PLXDC2: variants seen among roughly 807,000 people sequenced by gnomAD.
PLXDC2 encodes plexin domain-containing protein 2.
A neutral mutation model predicts 68.9 loss-of-function variants in PLXDC2; 40 were observed. That is an observed-to-expected ratio of 0.58 (90% CI 0.45 to 0.76). The LOEUF (loss-of-function observed/expected upper bound fraction) is 0.76. PLXDC2 is among the 30% of genes least tolerant of loss of function. The pLI, the probability that PLXDC2 is intolerant of heterozygous loss-of-function variation, is 0.00. For missense variants in PLXDC2, 644 were observed against 661.9 expected (o/e 0.97, Z 0.30); for synonymous variants, 243 against 234.2 (o/e 1.04, Z -0.34).
intron 1 of PLXDC2, among the ~76,000 whole-genome samples, chr10:19,887,284 G>A (rs61842788): frequency 6.6e-6 from 1 of 152,178 alleles, no homozygotes; most frequent in South Asian, 2.1e-4. Context: ...ACTTTGGGAG[G>A]CCGAGGCAGG....
chr10:20,007,045 A>C (rs151282848), intron 2 of PLXDC2, among the ~76,000 whole-genome samples: 2 of 152,226 alleles, frequency 1.3e-5, no homozygotes, highest in Non-Finnish European at 2.9e-5. Context: ...TGCATGTGCT[A>C]CTTTGTATAA....
chr10:20,112,298 T>G (rs975030361), intron 4 of PLXDC2, among the ~76,000 whole-genome samples: 1 of 151,942 alleles, frequency 6.6e-6, no homozygotes, highest in South Asian at 2.1e-4. Context: ...ACTCACAAAG[T>G]TTTTCAGTTA....
intron 2 of PLXDC2, among the ~76,000 whole-genome samples, chr10:20,004,273 G>A (rs1339044005): frequency 3.9e-5 from 6 of 152,184 alleles, no homozygotes; most frequent in Admixed American, 6.5e-5. Context: ...TGTGGCCATG[G>A]TGTTGGCAGG....
Position 20,250,406 on chromosome 10 carries a change from A to G in PLXDC2, c.1473+4901A>G, listed in dbSNP as rs893017636. Among the ~76,000 whole-genome samples the G allele has an allele frequency of 1.2e-4, 19 of 152,136 alleles. No homozygotes were observed. In the East Asian group the frequency reaches 1.7e-3, roughly 14 times the overall value. Reference sequence around the variant, plus strand: ...ATTTTTAATCTTCCCCATTATAAACATATTAATAGTAACAGCCAACATTTA... The same window carrying G: ...ATTTTTAATCTTCCCCATTATAAACGTATTAATAGTAACAGCCAACATTTA... On this transcript the variant is annotated intron_variant, in intron 13 of 13. Transcript: ENST00000377252.
At chr10:19,952,913 T>C (rs1005911195) in intron 1 of PLXDC2, among the ~76,000 whole-genome samples, 11 of 152,150 alleles carry the variant, frequency 7.2e-5, no homozygotes, top group African/African-American at 2.7e-4. Flanking sequence ...TTTTCTTCTT[T>C]TTTTTTGTTT....
At chr10:20,123,637 G>T (rs1039771005) in intron 4 of PLXDC2, among the ~76,000 whole-genome samples, 1 of 151,836 alleles carries the variant, frequency 6.6e-6, no homozygotes, top group Non-Finnish European at 1.5e-5. Flanking sequence ...GTGGAAGGTT[G>T]CCCATAGTGA....
At chr10:19,990,229 A>G (rs16919668) in intron 1 of PLXDC2, among the ~76,000 whole-genome samples, 32,191 of 152,144 alleles carry the variant, frequency 0.21, 4,027 homozygotes, top group African/African-American at 0.35. Context: ...TGTCCTGAGC[A>G]TTAGTGACTA....
At chr10:19,884,683 T>C (rs1194123493) in intron 1 of PLXDC2, among the ~76,000 whole-genome samples, 2 of 152,238 alleles carry the variant, frequency 1.3e-5, no homozygotes, top group Non-Finnish European at 2.9e-5. Context: ...GGACATGAAC[T>C]CATCATTTTT....
chr10:19,979,523 C>T lies in PLXDC2; in HGVS notation c.113-22252C>T, dbSNP rs192505562. 2.9e-3 allele frequency among the ~76,000 whole-genome samples: 397 copies of T among 136,738 alleles called. 8 individuals carry two copies. In the East Asian group the frequency reaches 0.042, roughly 14 times the overall value. The allele number at this position is 136,738 out of a possible 152,430, so 89.7% of individuals were successfully genotyped here. Reference sequence around the variant, plus strand: ...CCTCTCAATTGATTGCAGGCACCCACGACCATGCCTGGCTAATTTTGTATT... The same window carrying T: ...CCTCTCAATTGATTGCAGGCACCCATGACCATGCCTGGCTAATTTTGTATT... On this transcript the variant is annotated intron_variant, in intron 1 of 13. Transcript: ENST00000377252.
chr10:20,259,902 A>G (rs1835787754), intron 13 of PLXDC2, among the ~76,000 whole-genome samples: 1 of 152,198 alleles, frequency 6.6e-6, no homozygotes, highest in South Asian at 2.1e-4. Context: ...AAAATGAATA[A>G]TGAGTAGGAT....
chr10:20,223,359 C>T (rs920774773), intron 12 of PLXDC2, among the ~76,000 whole-genome samples: 2 of 147,958 alleles, frequency 1.4e-5, no homozygotes, highest in African/African-American at 5.0e-5. Context: ...GTCCCCCCGG[C>T]TGGAGTGCAG....
chr10:19,869,653 AT>A (rs1188136501), intron 1 of PLXDC2, among the ~76,000 whole-genome samples: 1 of 152,084 alleles, frequency 6.6e-6, no homozygotes, highest in African/African-American at 2.4e-5. Flanking sequence ...ACATTTAAAC[AT>A]TTAATTAATA....
At chr10:19,955,057 C>A (rs1834045881) in intron 1 of PLXDC2, among the ~76,000 whole-genome samples, 2 of 148,854 alleles carry the variant, frequency 1.3e-5, no homozygotes, top group South Asian at 4.3e-4. Flanking sequence ...AGTTGTTTCT[C>A]CTTCTGCCTT....
intron 1 of PLXDC2, among the ~76,000 whole-genome samples, chr10:19,891,722 C>T (rs1837967174): frequency 6.6e-6 from 1 of 152,164 alleles, no homozygotes; most frequent in East Asian, 1.9e-4. Flanking sequence ...TTCTCTTTCG[C>T]TTGTAGATTA....
chr10:19,950,100 T>A (rs1269481851), intron 1 of PLXDC2, among the ~76,000 whole-genome samples: 1 of 152,156 alleles, frequency 6.6e-6, no homozygotes, highest in Non-Finnish European at 1.5e-5. Context: ...CCTTGAGAAC[T>A]GGAACAAGAC....
At chr10:19,911,581 A>G (rs540738197) in intron 1 of PLXDC2, among the ~76,000 whole-genome samples, 6 of 152,286 alleles carry the variant, frequency 3.9e-5, no homozygotes, top group African/African-American at 1.4e-4. Flanking sequence ...GGATTCACAG[A>G]CAGAACTTAA....
rs1003045781 is a variant in PLXDC2, at chr10:20,177,045, A to G, written c.930A>G (p.Gln310=). 1.4e-5 allele frequency: 23 copies of G among 1,612,200 alleles called. No homozygotes were observed. In the Admixed American group the frequency reaches 1.7e-4, roughly 12 times the overall value. Reference sequence around the variant, plus strand: ...ATGAATACCACCGAGTAGAGCTACAAATGTCAAAAATTACCAACATTTCGG... The same window carrying G: ...ATGAATACCACCGAGTAGAGCTACAGATGTCAAAAATTACCAACATTTCGG... The part of the protein sequence containing the change: ...TIYEYHRVEL[Q]MSKITNISAV... Residue 310 remains glutamine (Q), a synonymous_variant, in exon 8 of 14, where the codon CAA becomes CAG. Coordinates refer to ENST00000377252, the MANE Select transcript of PLXDC2 (RefSeq NM_032812.9).
chr10:20,208,786 C>T (rs1835027765), intron 9 of PLXDC2, among the ~76,000 whole-genome samples: 1 of 151,962 alleles, frequency 6.6e-6, no homozygotes, highest in Admixed American at 6.6e-5. Flanking sequence ...TATATTTTCC[C>T]TAAGTGTTGG....
At chr10:19,915,573 G>T (rs1199650081) in intron 1 of PLXDC2, among the ~76,000 whole-genome samples, 1 of 152,018 alleles carries the variant, frequency 6.6e-6, no homozygotes, top group African/African-American at 2.4e-5. Flanking sequence ...TTCTTCCTTT[G>T]CACTGATGTT....
Sources: allele counts gnomAD v4.1 joint callset (sites outside exome capture counted in the v4.1 genomes callset), GRCh38; gene constraint gnomAD v4.1.1; transcripts MANE v1.5; gene names NCBI Gene and HGNC (gene_info 2026-07-23, HGNC 2026-07-21).